The following ANKRD13C variants were observed in gnomAD, a reference collection of about 807,000 sequenced individuals.
The protein encoded by ANKRD13C is ankyrin repeat domain 13C, also known as ankyrin repeat domain-containing protein 13C.
Under a neutral mutation model 65.5 loss-of-function variants are expected in ANKRD13C, and 16 were observed. The observed-to-expected ratio is 0.24, with a 90% CI of 0.17 to 0.37. The LOEUF is 0.37. Ranked by LOEUF, ANKRD13C falls within the 10% of genes least tolerant of loss-of-function variation. The pLI, the probability that ANKRD13C is intolerant of heterozygous loss-of-function variation, is 1.00. For synonymous variants in ANKRD13C, 235 were observed against 238.7 expected (o/e 0.98, Z 0.14); for missense variants, 503 against 655.9 (o/e 0.77, Z 2.55).
intron 9 of ANKRD13C, among the ~76,000 whole-genome samples, chr1:70,277,185 T>G (rs1407541291): frequency 6.6e-6 from 1 of 152,104 alleles, no homozygotes; most frequent in Non-Finnish European, 1.5e-5. Flanking sequence ...GGGCCAGGCA[T>G]AGTGGCTCAT....
At chr1:70,301,877 C>T (rs1285464401) in intron 6 of ANKRD13C, among the ~76,000 whole-genome samples, 1 of 152,216 alleles carries the variant, frequency 6.6e-6, no homozygotes, top group African/African-American at 2.4e-5. Context: ...CTAATGGCTG[C>T]TCAAAACACA....
At chr1:70,325,061 A>C in intron 2 of ANKRD13C, 104 bp from the exon 3 acceptor site, 1 of 755,622 alleles carries the variant, frequency 1.3e-6, no homozygotes, top group Non-Finnish European at 2.0e-6. Context: ...AAATAGATGA[A>C]ATAAACATTG....
At chr1:70,343,561 T>G (rs556927250) in intron 1 of ANKRD13C, among the ~76,000 whole-genome samples, 29 of 152,314 alleles carry the variant, frequency 1.9e-4, no homozygotes, top group South Asian at 1.2e-3. Context: ...TAGGTAGGTT[T>G]GTTTGTTTGT....
At chr1:70,306,847 A>G (rs934966968) in intron 5 of ANKRD13C, among the ~76,000 whole-genome samples, 10 of 152,174 alleles carry the variant, frequency 6.6e-5, no homozygotes, top group African/African-American at 2.4e-4. Flanking sequence ...CTACATTCCT[A>G]TGTTGCTATC....
chr1:70,300,733 T>A (rs1680314853), intron 7 of ANKRD13C, 31 bp downstream of exon 7: 3 of 1,529,686 alleles, frequency 2.0e-6, no homozygotes, highest in Non-Finnish European at 2.6e-6. Flanking sequence ...TTTAATGATT[T>A]AAAGGAATAT....
Position 70,301,000 on chromosome 1 carries a change from A to T in ANKRD13C, c.777-92T>A. The T allele has an allele frequency of 2.9e-6, 4 of 1,366,012 alleles. No homozygotes were observed. The Admixed American group carries it at 1.0e-4, about 36-fold the overall frequency. The allele number at this position is 1,366,012 out of a possible 1,614,324, so 84.6% of individuals were successfully genotyped here. On this transcript the variant is annotated intron_variant, in intron 6 of 12. Transcript: ENST00000370944. ...AATAAGCTGTTCCTTTTAAACTCAA[A>T]CCAAGATGCTAATACCATATTGCAA...
rs144692308 is a variant in ANKRD13C at position 70,262,696 on chromosome 1, C to T, written c.*21G>A. ...TCTGTATTTTCTTTCCTTGGTTAGA[C>T]GGCATCCTTTTCCACGTCAGTTAAA... On this transcript the variant is annotated 3_prime_UTR_variant, in exon 13 of 13. Coordinates refer to ENST00000370944, the MANE Select transcript of ANKRD13C (RefSeq NM_030816.5). 303 of 1,606,664 alleles carry T rather than the reference C, an allele frequency of 1.9e-4. No individual in the cohort carries two copies. The East Asian group carries it at 4.5e-3, about 24-fold the overall frequency.
chr1:70,282,943 T>G (rs571469587), intron 9 of ANKRD13C, among the ~76,000 whole-genome samples: 9 of 149,342 alleles, frequency 6.0e-5, no homozygotes, highest in African/African-American at 1.5e-4. Context: ...ATCATTATAT[T>G]TTTTCAGGTA....
At chr1:70,280,556 G>A (rs1199731878) in intron 9 of ANKRD13C, among the ~76,000 whole-genome samples, 1 of 152,130 alleles carries the variant, frequency 6.6e-6, no homozygotes, top group Non-Finnish European at 1.5e-5. Context: ...CAAATATTTT[G>A]AGCAATACAA....
rs1678434103 is a variant in ANKRD13C at position 70,262,690 on chromosome 1, G to T, written c.*27C>A. 1 of 1,603,036 alleles carries T rather than the reference G, an allele frequency of 6.2e-7. No homozygotes were observed. Among genetic ancestry groups the T allele is most frequent in the Admixed American group, 1.7e-5 (1 of 59,436 alleles). Reference sequence around the variant, plus strand: ...AGGGTCTCTGTATTTTCTTTCCTTGGTTAGACGGCATCCTTTTCCACGTCA... The same window carrying T: ...AGGGTCTCTGTATTTTCTTTCCTTGTTTAGACGGCATCCTTTTCCACGTCA... On this transcript the variant is annotated 3_prime_UTR_variant, in exon 13 of 13. Coordinates refer to ENST00000370944, the MANE Select transcript of ANKRD13C (RefSeq NM_030816.5).
At chr1:70,267,402 G>A (rs1405171475) in intron 12 of ANKRD13C, among the ~76,000 whole-genome samples, 2 of 151,940 alleles carry the variant, frequency 1.3e-5, no homozygotes, top group Non-Finnish European at 2.9e-5. Flanking sequence ...ATCCTGCTCT[G>A]TCACCCAGGC....
At chr1:70,350,838 TTTTTC>T (rs1422132164) in intron 1 of ANKRD13C, among the ~76,000 whole-genome samples, 10 of 152,186 alleles carry the variant, frequency 6.6e-5, no homozygotes, top group Admixed American at 1.3e-4. Context: ...TCTAGGCTTA[TTTTTC>T]TTATTTTTAA....
chr1:70,273,800 G>A (rs1679003070), intron 11 of ANKRD13C, among the ~76,000 whole-genome samples: 1 of 151,950 alleles, frequency 6.6e-6, no homozygotes, highest in Admixed American at 6.5e-5. Context: ...GGGATTAGAG[G>A]CACATGCCAT....
At chr1:70,351,559 C>T (rs1005411254) in intron 1 of ANKRD13C, among the ~76,000 whole-genome samples, 6 of 152,012 alleles carry the variant, frequency 3.9e-5, no homozygotes, top group African/African-American at 1.4e-4. Flanking sequence ...ACCACCATGC[C>T]AGGCTAATTT....
chr1:70,309,031 C>A (rs1244175862), intron 5 of ANKRD13C, among the ~76,000 whole-genome samples: 1 of 151,042 alleles, frequency 6.6e-6, no homozygotes. Context: ...ACTTACTCCC[C>A]AATTTTCTTT....
intron 12 of ANKRD13C, among the ~76,000 whole-genome samples, chr1:70,270,547 C>T (rs1382944601): frequency 6.6e-6 from 1 of 152,170 alleles, no homozygotes; most frequent in East Asian, 1.9e-4. Flanking sequence ...ACTGTTCCAT[C>T]TCAGATCAGG....
intron 6 of ANKRD13C, among the ~76,000 whole-genome samples, chr1:70,304,550 C>A (rs1680510158): frequency 2.0e-5 from 3 of 152,002 alleles, no homozygotes; most frequent in African/African-American, 7.2e-5. Context: ...GCACGTGTCA[C>A]CATGCCCAGC....
rs1456117951 is a variant in ANKRD13C, at chr1:70,262,328, T to C, written c.*389A>G. On this transcript the variant is annotated 3_prime_UTR_variant, in exon 13 of 13. Coordinates refer to ENST00000370944, the MANE Select transcript of ANKRD13C (RefSeq NM_030816.5). ...GCTCCATATCTCTTAAGACATTTAA[T>C]TTACGTTAATGGTCCAGGAGTGTTT... 6.5e-6 allele frequency: 1 copy of C among 152,912 alleles called. No homozygotes were observed. The highest frequency in any genetic ancestry group is 1.5e-5 in the Non-Finnish European group (1 of 68,264). The allele number at this position is 152,912 out of a possible 1,614,324, so 9.5% of individuals were successfully genotyped here.
intron 1 of ANKRD13C, among the ~76,000 whole-genome samples, chr1:70,339,399 C>T (rs1206403950): frequency 6.7e-6 from 1 of 148,766 alleles, no homozygotes; most frequent in Non-Finnish European, 1.5e-5. Context: ...CTCACTGTAA[C>T]CTCCGCCTCC....
Sources: allele counts gnomAD v4.1 joint callset (sites outside exome capture counted in the v4.1 genomes callset), GRCh38; gene constraint gnomAD v4.1.1; transcripts MANE v1.5; gene names NCBI Gene and HGNC (gene_info 2026-07-23, HGNC 2026-07-21).